The following ZFAND5 variants were observed in gnomAD, a reference collection of about 807,000 sequenced individuals.
ZFAND5 encodes the protein zinc finger AN1-type containing 5.
A neutral mutation model predicts 23.6 loss-of-function variants in ZFAND5; 4 were observed. That is an observed-to-expected ratio of 0.17 (90% CI 0.08 to 0.39). ZFAND5 has a LOEUF of 0.39. Ranked by LOEUF, ZFAND5 falls within the 10% of genes least tolerant of loss-of-function variation. The probability of loss-of-function intolerance (pLI) is 1.00; values close to 1 mark genes in which losing one functional copy is unlikely to be tolerated. For missense variants in ZFAND5, 161 were observed against 253.7 expected, an observed-to-expected ratio of 0.63 and a Z score of 2.48; for synonymous variants, 68 against 80.6, an observed-to-expected ratio of 0.84 and a Z score of 0.84.
At chr9:72,362,551 G>C (rs919739649) in intron 2 of ZFAND5, among the ~76,000 whole-genome samples, 1 of 152,140 alleles carries the variant, frequency 6.6e-6, no homozygotes, top group Non-Finnish European at 1.5e-5. Context: ...ATTTGTTTTA[G>C]ATAAAATGGA....
rs1406885470 is a variant in ZFAND5, at chr9:72,354,150, C to T, written c.*1803G>A. The stretch of plus-strand genomic sequence containing the variant: ...TAAACTAAGTCATACCTACTTTCTT[C>T]TTCAGAATTGTCATAAAACATCATC... On this transcript the variant is annotated 3_prime_UTR_variant, in exon 7 of 7. Coordinates refer to ENST00000376962, the MANE Select transcript of ZFAND5 (RefSeq NM_001102420.3). 1.3e-5 allele frequency: 2 copies of T among 152,184 alleles called. No homozygotes were observed. The highest frequency in any genetic ancestry group is 2.9e-5 in the Non-Finnish European group (2 of 68,014). 9.4% of individuals were successfully genotyped at this position (152,184 alleles called of 1,614,324 possible).
rs1341796041 is a variant in ZFAND5 at position 72,364,791 on chromosome 9, G to C, written c.-242C>G. On this transcript the variant is annotated 5_prime_UTR_variant, in exon 1 of 7. Coordinates refer to ENST00000376962, the MANE Select transcript of ZFAND5 (RefSeq NM_001102420.3). ...CCGGGAAGGCTGAGCCGGGCGCCCT[G>C]GTGCCGCCGCCGCGGGCCGGGAGCG... is the stretch of plus-strand genomic sequence containing the variant. 1.2e-5 allele frequency: 3 copies of C among 252,370 alleles called. No individual in the cohort carries two copies. The highest frequency in any genetic ancestry group is 1.9e-5 in the Non-Finnish European group (3 of 154,056). The allele number at this position is 252,370 out of a possible 1,614,324, so 15.6% of individuals were successfully genotyped here.
At position 72,363,198 on chromosome 9, in the gene ZFAND5, T is replaced by C. The variant is rs116430615; in HGVS notation, c.-10+272A>G. Reference sequence around the variant, plus strand: ...ATGTGTGTTCCCATTAGGTATTGCATTCCCCTTGTATTTTAGAAAAAAATA... The same window carrying C: ...ATGTGTGTTCCCATTAGGTATTGCACTCCCCTTGTATTTTAGAAAAAAATA... On this transcript the variant is annotated intron_variant, in intron 2 of 6. Transcript: ENST00000376962. Among the ~76,000 whole-genome samples, 622 of 152,288 alleles carry C rather than the reference T, an allele frequency of 4.1e-3. 2 individuals are homozygous for C. Among genetic ancestry groups the C allele is most frequent in the African/African-American group, 0.014 (583 of 41,560 alleles).
chr9:72,364,676 CG>C lies in ZFAND5; in HGVS notation c.-147+19del. ...GGCAACAAGGAGCCCGGCTCCCACC[CG>C]CAGCCCCGTATCACTCACCCTGCAG... On this transcript the variant is annotated intron_variant, in intron 1 of 6. Transcript: ENST00000376962. 1 of 1,105,802 alleles carries C rather than the reference CG, an allele frequency of 9.0e-7. No individual in the cohort carries two copies. Among genetic ancestry groups the C allele is most frequent in the Non-Finnish European group, 1.1e-6 (1 of 884,250 alleles). 68.5% of individuals were successfully genotyped at this position (1,105,802 alleles called of 1,614,324 possible).
intron 5 of ZFAND5, 100 bp downstream of exon 5, chr9:72,359,318 C>A (rs1587874461): frequency 8.7e-7 from 1 of 1,146,446 alleles, no homozygotes; most frequent in East Asian, 2.5e-5. Context: ...ATGGCTCTCC[C>A]TCCTCTTTGG....
At chr9:72,364,385 C>G (rs1028269327) in intron 1 of ZFAND5, 2 of 1,175,720 alleles carry the variant, frequency 1.7e-6, no homozygotes, top group Non-Finnish European at 2.1e-6. Context: ...GTGGTGCCCA[C>G]GCCGGGCGCC....
chr9:72,363,312 A>C (rs774428719), intron 2 of ZFAND5, among the ~76,000 whole-genome samples, 158 bp downstream of exon 2: 1 of 152,220 alleles, frequency 6.6e-6, no homozygotes, highest in Non-Finnish European at 1.5e-5. Flanking sequence ...CAGATTTTAT[A>C]AAGTTTATGG....
Position 72,354,605 on chromosome 9 carries a change from A to C in ZFAND5, c.*1348T>G, listed in dbSNP as rs1841881482. The C allele has an allele frequency of 6.6e-6, 1 of 152,664 alleles. No individual in the cohort carries two copies. Among genetic ancestry groups the C allele is most frequent in the Non-Finnish European group, 1.5e-5 (1 of 68,042 alleles). The allele number at this position is 152,664 out of a possible 1,614,324, so 9.5% of individuals were successfully genotyped here. On this transcript the variant is annotated 3_prime_UTR_variant, in exon 7 of 7. Coordinates refer to ENST00000376962, the MANE Select transcript of ZFAND5 (RefSeq NM_001102420.3). ...ACTAAGGTACATAAAATTGAAAGCA[A>C]AACTGAATGCTTTAAGAATAAAAGT...
chr9:72,362,811 G>C (rs1467085149), intron 2 of ZFAND5, among the ~76,000 whole-genome samples: 1 of 152,148 alleles, frequency 6.6e-6, no homozygotes, highest in African/African-American at 2.4e-5. Flanking sequence ...GATCACATGG[G>C]AGGGCGCTTC....
chr9:72,358,482 A>C (rs1323719519), intron 5 of ZFAND5, among the ~76,000 whole-genome samples: 1 of 152,148 alleles, frequency 6.6e-6, no homozygotes, highest in African/African-American at 2.4e-5. Context: ...ACCCAAGACT[A>C]TTCTTCCAAG....
Position 72,355,550 on chromosome 9 carries a change from G to C in ZFAND5, c.*403C>G, listed in dbSNP as rs564920070. On this transcript the variant is annotated 3_prime_UTR_variant, in exon 7 of 7. Coordinates refer to ENST00000376962, the MANE Select transcript of ZFAND5 (RefSeq NM_001102420.3). ...GAAGTAGACTGCCAGTCCTTTTCTG[G>C]TGTACCATTTTAAAAAAATACAGGC... 6.5e-6 allele frequency: 1 copy of C among 153,694 alleles called. No homozygotes were observed. The highest frequency in any genetic ancestry group is 2.4e-5 in the African/African-American group (1 of 41,590). 9.5% of individuals were successfully genotyped at this position (153,694 alleles called of 1,614,324 possible). A position where few individuals can be genotyped will look rare whatever the true frequency, so the allele number is the denominator to read the frequency against.
intron 6 of ZFAND5, 82 bp downstream of exon 6, chr9:72,356,849 C>A: frequency 1.4e-6 from 2 of 1,439,770 alleles, no homozygotes; most frequent in Non-Finnish European, 9.3e-7. Flanking sequence ...ATGTGTAAGA[C>A]CAACTAGTCT....
At chr9:72,357,086 A>C in intron 5 of ZFAND5, 30 bp from the exon 6 acceptor site, 1 of 1,601,294 alleles carries the variant, frequency 6.2e-7, no homozygotes, top group Non-Finnish European at 8.5e-7. Flanking sequence ...AAATTTGTCA[A>C]GCATTCACTG....
rs911746707 is a variant in ZFAND5, at chr9:72,352,559, A to G, written c.*3394T>C. On this transcript the variant is annotated 3_prime_UTR_variant, in exon 7 of 7. Transcript: ENST00000376962. ...ATAGTATGCTTAACATCTTGCTATT[A>G]TTAGATTATTTCCCCAATTTTAGTT... 3 of 152,214 alleles carry G rather than the reference A, an allele frequency of 2.0e-5. No individual in the cohort carries two copies. The highest frequency in any genetic ancestry group is 2.0e-4 in the Admixed American group (3 of 15,280). 9.4% of individuals were successfully genotyped at this position (152,214 alleles called of 1,614,324 possible).
chr9:72,364,568 C>T (rs1448121720), intron 1 of ZFAND5, 128 bp downstream of exon 1: 6 of 1,260,682 alleles, frequency 4.8e-6, no homozygotes, highest in South Asian at 3.8e-5. Context: ...GGCTCCCCTC[C>T]CCCGGACGCC....
intron 2 of ZFAND5, among the ~76,000 whole-genome samples, chr9:72,362,932 C>A (rs1842147367): frequency 6.6e-6 from 1 of 152,104 alleles, no homozygotes; most frequent in African/African-American, 2.4e-5. Flanking sequence ...TCAAAGCCTG[C>A]CAACTCCTAC....
intron 3 of ZFAND5, 95 bp from the exon 4 acceptor site, chr9:72,360,316 T>G (rs1842062990): frequency 1.0e-5 from 11 of 1,097,360 alleles, no homozygotes; most frequent in Non-Finnish European, 1.4e-5. Context: ...TTAATTAGGT[T>G]AGTGATATAA....
intron 5 of ZFAND5, 103 bp from the exon 6 acceptor site, chr9:72,357,159 T>A (rs1034945619): frequency 2.2e-6 from 3 of 1,355,474 alleles, no homozygotes; most frequent in Non-Finnish European, 3.0e-6. Context: ...CTGATAAAAA[T>A]GTTTATAAGT....
chr9:72,356,700 T>C (rs529982731), intron 6 of ZFAND5, among the ~76,000 whole-genome samples: 1 of 152,226 alleles, frequency 6.6e-6, no homozygotes, highest in East Asian at 1.9e-4. Context: ...TTTATCAATC[T>C]AATAAAATAA....
Sources: allele counts gnomAD v4.1 joint callset (sites outside exome capture counted in the v4.1 genomes callset), GRCh38; gene constraint gnomAD v4.1.1; transcripts MANE v1.5; gene names NCBI Gene and HGNC (gene_info 2026-07-23, HGNC 2026-07-21).